ZFAND5: variants seen among roughly 807,000 people sequenced by gnomAD.
ZFAND5 encodes the protein zinc finger AN1-type containing 5, also known as AN1-type zinc finger protein 5.
In ZFAND5, 4 loss-of-function variants were observed where a neutral mutation model predicts 23.6. The ratio of observed to expected loss-of-function variants is 0.17; its 90% CI spans 0.08 to 0.39. ZFAND5 has a LOEUF of 0.39. Ranked by LOEUF, ZFAND5 falls within the 10% of genes least tolerant of loss-of-function variation. The pLI is 1.00. For missense variants in ZFAND5, 161 were observed against 253.7 expected, an observed-to-expected ratio of 0.63 and a Z score of 2.48; for synonymous variants, 68 against 80.6, an observed-to-expected ratio of 0.84 and a Z score of 0.84.
At chr9:72,360,049 G>C in intron 4 of ZFAND5, 61 bp downstream of exon 4, 5 of 1,424,280 alleles carry the variant, frequency 3.5e-6, no homozygotes, top group Non-Finnish European at 3.9e-6. Flanking sequence ...TATTGGACCA[G>C]TACAGACATC....
chr9:72,358,287 A>C (rs895573054), intron 5 of ZFAND5, among the ~76,000 whole-genome samples: 2 of 152,126 alleles, frequency 1.3e-5, no homozygotes, highest in Non-Finnish European at 2.9e-5. Flanking sequence ...GATAAAGAAT[A>C]ATCTAGGGGA....
Position 72,365,062 on chromosome 9 carries a change from G to A in ZFAND5, c.-513C>T, listed in dbSNP as rs1206449541. Reference sequence around the variant, plus strand: ...GTTGGGCGGACGAGGAGGGCGAGCGGACCGCGCGCCGCGAGGCCTGGGGCC... The same window carrying A: ...GTTGGGCGGACGAGGAGGGCGAGCGAACCGCGCGCCGCGAGGCCTGGGGCC... On this transcript the variant is annotated 5_prime_UTR_variant, in exon 1 of 7. Coordinates refer to ENST00000376962, the MANE Select transcript of ZFAND5 (RefSeq NM_001102420.3). The A allele has an allele frequency of 6.6e-6, 1 of 152,178 alleles. No homozygotes were observed. Among genetic ancestry groups the A allele is most frequent in the East Asian group, 1.9e-4 (1 of 5,172 alleles). 9.4% of individuals were successfully genotyped at this position (152,178 alleles called of 1,614,324 possible). A position where few individuals can be genotyped will look rare whatever the true frequency, so the allele number is the denominator to read the frequency against.
intron 3 of ZFAND5, 78 bp from the exon 4 acceptor site, chr9:72,360,299 C>T: frequency 1.6e-6 from 2 of 1,241,758 alleles, no homozygotes; most frequent in African/African-American, 1.5e-5. Context: ...GTAATAAATA[C>T]TTGCATTTAA....
rs920019990 is a variant in ZFAND5, at chr9:72,355,502, G to T, written c.*451C>A. ...CCAAAGAATATGTTGTGAAATTAAAGAGGGTGAAGTTTAACTATGGTAGAA... is the reference window on the plus strand; with the variant it reads ...CCAAAGAATATGTTGTGAAATTAAATAGGGTGAAGTTTAACTATGGTAGAA... On this transcript the variant is annotated 3_prime_UTR_variant, in exon 7 of 7. Transcript: ENST00000376962. 6.5e-6 allele frequency: 1 copy of T among 152,940 alleles called. No individual in the cohort carries two copies. The highest frequency in any genetic ancestry group is 2.1e-4 in the South Asian group (1 of 4,862). The allele number at this position is 152,940 out of a possible 1,614,324, so 9.5% of individuals were successfully genotyped here.
In ZFAND5 at chr9:72,356,994, G is replaced by A; in HGVS notation, c.430C>T (p.Pro144Ser). The A allele has an allele frequency of 1.2e-6, 2 of 1,613,668 alleles. No homozygotes were observed. The highest frequency in any genetic ancestry group is 1.7e-6 in the Non-Finnish European group (2 of 1,179,780). ...PSTSQSEEKA[P>S]ELPKPKKNRC... ...TTTTTCTTTGGTTTGGGCAATTCAG[G>A]AGCTTTTTCTTCACTCTGAGAAGTA... is the stretch of plus-strand genomic sequence containing the variant. Residue 144 changes from proline (P) to serine (S), a missense_variant, in exon 6 of 7, where the codon CCT becomes TCT. By Grantham distance (74) the Pro-to-Ser change is moderately conservative. This residue lies in a region of ZFAND5 where 116 missense variants were observed against 115.2 expected (regional missense o/e 1.01). Transcript: ENST00000376962.
At chr9:72,360,053 A>T (rs1305148022) in intron 4 of ZFAND5, 57 bp downstream of exon 4, 1 of 1,446,402 alleles carries the variant, frequency 6.9e-7, no homozygotes, top group Non-Finnish European at 9.6e-7. Context: ...GGACCAGTAC[A>T]GACATCTTGA....
At chr9:72,364,307 A>C in intron 1 of ZFAND5, 11 of 470,914 alleles carry the variant, frequency 2.3e-5, no homozygotes, top group Non-Finnish European at 3.1e-5. Flanking sequence ...CTCTTAGGGG[A>C]GAGCTAGGGG....
At chr9:72,360,605 G>T in intron 3 of ZFAND5, 23 bp downstream of exon 3, 2 of 1,612,622 alleles carry the variant, frequency 1.2e-6, no homozygotes, top group Non-Finnish European at 8.5e-7. Context: ...TTTCAAATGT[G>T]TTTTTCCTTG....
At chr9:72,364,268 G>A (rs1842193258) in intron 1 of ZFAND5, 2 of 264,854 alleles carry the variant, frequency 7.6e-6, no homozygotes, top group South Asian at 5.8e-5. Flanking sequence ...GCGGATCCCC[G>A]ACCCCCGACC....
chr9:72,352,742 C>CTG lies in ZFAND5; in HGVS notation c.*3210_*3211insCA, dbSNP rs1841809113. Reference sequence around the variant, plus strand: ...AATCCTGTTCTCAAAGTTTTCTTCCCAAGTTATGGAAACCATTATTCCAGA... The same window carrying CTG: ...AATCCTGTTCTCAAAGTTTTCTTCCCTGAAGTTATGGAAACCATTATTCCAGA... On this transcript the variant is annotated 3_prime_UTR_variant, in exon 7 of 7. Transcript: ENST00000376962. The CTG allele has an allele frequency of 6.6e-6, 1 of 152,176 alleles. No homozygotes were observed. Among genetic ancestry groups the CTG allele is most frequent in the African/African-American group, 2.4e-5 (1 of 41,412 alleles). 9.4% of individuals were successfully genotyped at this position (152,176 alleles called of 1,614,324 possible). A position where few individuals can be genotyped will look rare whatever the true frequency, so the allele number is the denominator to read the frequency against.
chr9:72,364,544 T>C, intron 1 of ZFAND5, 152 bp downstream of exon 1: 1 of 1,276,274 alleles, frequency 7.8e-7, no homozygotes, highest in South Asian at 1.3e-5. Flanking sequence ...TTGTGCTTCC[T>C]GGGCTGGCGG....
Position 72,356,084 on chromosome 9 carries a change from C to G in ZFAND5, c.511G>C (p.Gly171Arg). ...VGLTGFDCRC[G>R]NLFCGLHRYS... is the part of the protein sequence containing the mutation. ...CGGTGAAGTCCACAAAACAAATTTC[C>G]ACATCGGCAGTCAAACCCTGTACAA... is the stretch of plus-strand genomic sequence containing the variant. The change falls in exon 7 of 7, where the codon GGA becomes CGA. Residue 171 changes from glycine to arginine, a missense_variant. Physicochemically the swap from Gly to Arg is moderately radical, Grantham distance 125. This residue lies in a region of ZFAND5 where 24 missense variants were observed against 80.0 expected (regional missense o/e 0.30). Transcript: ENST00000376962. 2 of 1,613,162 alleles carry G rather than the reference C, an allele frequency of 1.2e-6. No individual in the cohort carries two copies.
intron 4 of ZFAND5, 33 bp from the exon 5 acceptor site, chr9:72,359,554 TG>T: frequency 1.9e-6 from 3 of 1,588,872 alleles, no homozygotes; most frequent in Non-Finnish European, 2.6e-6. Context: ...TTTTTAAAGG[TG>T]TTAAGGGTAC....
intron 2 of ZFAND5, among the ~76,000 whole-genome samples, chr9:72,361,223 T>C (rs759485590): frequency 2.6e-5 from 4 of 152,242 alleles, no homozygotes; most frequent in Non-Finnish European, 5.9e-5. Flanking sequence ...TTAAACTGGA[T>C]GAATAAAGTT....
Position 72,364,691 on chromosome 9 carries a change from C to T in ZFAND5, c.-147+5G>A. 1 of 1,029,924 alleles carries T rather than the reference C, an allele frequency of 9.7e-7. No homozygotes were observed. Among genetic ancestry groups the T allele is most frequent in the Non-Finnish European group, 1.2e-6 (1 of 820,204 alleles). 63.8% of individuals were successfully genotyped at this position (1,029,924 alleles called of 1,614,324 possible). A position where few individuals can be genotyped will look rare whatever the true frequency, so the allele number is the denominator to read the frequency against. On this transcript the variant is annotated splice_donor_5th_base_variant and intron_variant, in intron 1 of 6. Transcript: ENST00000376962. The stretch of plus-strand genomic sequence containing the variant: ...GGCTCCCACCCGCAGCCCCGTATCA[C>T]TCACCCTGCAGGGTCCCAAATGCGA...
At position 72,353,566 on chromosome 9, in the gene ZFAND5, TAGG is replaced by T. The variant is rs1402063458; in HGVS notation, c.*2384_*2386del. The T allele has an allele frequency of 2.6e-5, 4 of 152,034 alleles. No homozygotes were observed. The highest frequency in any genetic ancestry group is 6.6e-5 in the Admixed American group (1 of 15,250). 9.4% of individuals were successfully genotyped at this position (152,034 alleles called of 1,614,324 possible). On this transcript the variant is annotated 3_prime_UTR_variant, in exon 7 of 7. Coordinates refer to ENST00000376962, the MANE Select transcript of ZFAND5 (RefSeq NM_001102420.3). ...GCTGGTGCCTGTGATCCCAGCTACTTAGGAGGCAGAGGCAGGAGAATCACTTGA... is the reference window on the plus strand; with the variant it reads ...GCTGGTGCCTGTGATCCCAGCTACTTAGGCAGAGGCAGGAGAATCACTTGA...
chr9:72,363,842 T>C, intron 1 of ZFAND5: 1 of 165,904 alleles, frequency 6.0e-6, no homozygotes, highest in Non-Finnish European at 1.2e-5. Context: ...GTGACCTATA[T>C]GTTCCTTTAT....
rs981783282 is a variant in ZFAND5, at chr9:72,354,656, A to C, written c.*1297T>G. The stretch of plus-strand genomic sequence containing the variant: ...AAAAACTAGGACTGAACATTGCAAT[A>C]AATCAGAAGTAGTGCCTCGTGTACA... On this transcript the variant is annotated 3_prime_UTR_variant, in exon 7 of 7. Transcript: ENST00000376962. 6 of 152,642 alleles carry C rather than the reference A, an allele frequency of 3.9e-5. No homozygotes were observed. Among genetic ancestry groups the C allele is most frequent in the African/African-American group, 7.2e-5 (3 of 41,462 alleles). 9.5% of individuals were successfully genotyped at this position (152,642 alleles called of 1,614,324 possible). A position where few individuals can be genotyped will look rare whatever the true frequency, so the allele number is the denominator to read the frequency against.
At chr9:72,360,431 A>C (rs1420310019) in intron 3 of ZFAND5, 197 bp downstream of exon 3, 4 of 860,718 alleles carry the variant, frequency 4.6e-6, no homozygotes, top group African/African-American at 1.7e-5. Flanking sequence ...AAAAAAGAAA[A>C]CTGAAAAGCT....
Sources: allele counts gnomAD v4.1 joint callset (sites outside exome capture counted in the v4.1 genomes callset), GRCh38; gene constraint gnomAD v4.1.1; regional missense constraint gnomAD v4.1.1; transcripts MANE v1.5; gene names NCBI Gene and HGNC (gene_info 2026-07-23, HGNC 2026-07-21).